ECI2: variants seen among roughly 807,000 people sequenced by gnomAD.
The protein encoded by ECI2 is D3,D2-enoyl-CoA isomerase.
ECI2 carries 27 observed loss-of-function variants against 38.4 expected under a neutral mutation model. The observed-to-expected ratio is 0.70, with a 90% confidence interval of 0.52 to 0.97. ECI2 has a LOEUF of 0.97. Ranked by LOEUF, ECI2 falls within the 50% of genes least tolerant of loss-of-function variation. ECI2 has a pLI of 0.00. For synonymous variants in ECI2, 168 were observed against 172.0 expected (o/e 0.98, Z 0.18); for missense variants, 470 against 474.4 (o/e 0.99, Z 0.09).
At chr6:4,130,888 A>G in intron 2 of ECI2, 23 bp from the exon 3 acceptor site, 1 of 1,606,252 alleles carries the variant, frequency 6.2e-7, no homozygotes, top group Non-Finnish European at 8.5e-7. Context: ...GAGGGGCAAT[A>G]TGTTCAAATG....
chr6:4,117,440 C>T lies in ECI2; in HGVS notation c.897G>A (p.Met299Ile), dbSNP rs760088765. 1 of 1,612,788 alleles carries T rather than the reference C, an allele frequency of 6.2e-7. No homozygotes were observed. Among genetic ancestry groups the T allele is most frequent in the Non-Finnish European group, 8.5e-7 (1 of 1,179,720 alleles). ...KIMSPAKATE[M>I]LIFGKKLTAG... ...CTGTTAACTTCTTTCCAAAAATAAG[C>T]ATCTCTGTTGCCTGAAATGAAAAGC... is the stretch of plus-strand genomic sequence containing the variant. The change falls in exon 9 of 10, where the codon ATG becomes ATA. Residue 299 changes from methionine (M) to isoleucine (I), a missense_variant. Transcript: ENST00000380118.
intron 7 of ECI2, among the ~76,000 whole-genome samples, chr6:4,121,611 A>AT (rs1193739447): frequency 6.7e-6 from 1 of 150,254 alleles, no homozygotes; most frequent in Non-Finnish European, 1.5e-5. Flanking sequence ...ATTTGTCTTG[A>AT]TTTTGCCCCA....
chr6:4,126,180 G>C lies in ECI2; in HGVS notation c.629C>G (p.Pro210Arg), dbSNP rs117792259. 1 of 1,613,798 alleles carries C rather than the reference G, an allele frequency of 6.2e-7. No homozygotes were observed. The highest frequency in any genetic ancestry group is 1.7e-5 in the Admixed American group (1 of 60,004). The change falls in exon 6 of 10, where the codon CCT (proline) becomes CGT (arginine). Residue 210 changes from proline (P) to arginine (R), a missense_variant. Pro to Arg is a moderately radical substitution (Grantham distance 103, BLOSUM62 -2). Coordinates refer to ENST00000380118, the MANE Select transcript of ECI2 (RefSeq NM_206836.3). ...NDLTNFTDIP[P>R]GGVEEKAKNN... Reference sequence around the variant, plus strand: ...TTTAGCTTTCTCCTCTACTCCACCAGGGGGAATATCAGTGAAGTTAGTCAG... The same window carrying C: ...TTTAGCTTTCTCCTCTACTCCACCACGGGGAATATCAGTGAAGTTAGTCAG...
chr6:4,124,656 G>C (rs78414485), intron 7 of ECI2, among the ~76,000 whole-genome samples: 1 of 152,040 alleles, frequency 6.6e-6, no homozygotes, highest in East Asian at 1.9e-4. Flanking sequence ...AGCTTTTCTT[G>C]GTACTTTTTC....
intron 2 of ECI2, among the ~76,000 whole-genome samples, chr6:4,132,280 G>A (rs1385498234): frequency 6.6e-6 from 1 of 151,970 alleles, no homozygotes; most frequent in Non-Finnish European, 1.5e-5. Context: ...CAGAATTGAT[G>A]TGACAGTACA....
intron 9 of ECI2, among the ~76,000 whole-genome samples, chr6:4,116,904 T>A (rs748801747): frequency 7.2e-5 from 11 of 152,230 alleles, no homozygotes; most frequent in Non-Finnish European, 1.3e-4. Context: ...CAGGACTACA[T>A]TTTGAATAGC....
chr6:4,128,850 G>A (rs1251736444), intron 4 of ECI2, among the ~76,000 whole-genome samples: 2 of 152,288 alleles, frequency 1.3e-5, no homozygotes, highest in South Asian at 4.1e-4. Context: ...CGCGGATTTT[G>A]TTGTCCACAC....
intron 5 of ECI2, among the ~76,000 whole-genome samples, chr6:4,127,403 CCTT>C (rs1239052503): frequency 2.5e-5 from 3 of 119,374 alleles, no homozygotes; most frequent in African/African-American, 1.1e-4. Context: ...GATCTTAGAG[CCTT>C]TTTTTTTTTT....
chr6:4,128,517 G>C (rs1773321163), intron 4 of ECI2, among the ~76,000 whole-genome samples: 1 of 152,136 alleles, frequency 6.6e-6, no homozygotes, highest in Non-Finnish European at 1.5e-5. Context: ...GAAGAGGGCT[G>C]ATACTTATAG....
In ECI2 at chr6:4,123,767, G is replaced by A. The variant is rs1772963538; in HGVS notation, c.795+1483C>T. On this transcript the variant is annotated intron_variant, in intron 7 of 9. Coordinates refer to ENST00000380118, the MANE Select transcript of ECI2 (RefSeq NM_206836.3). ...GAATCACTTGAGGTCAGGAGTTCGA[G>A]ACCAGCCTGGCCGACACAGTGAAAC... Among the ~76,000 whole-genome samples the A allele has an allele frequency of 2.6e-5, 4 of 151,654 alleles. No homozygotes were observed. The South Asian group carries it at 8.5e-4, about 32-fold the overall frequency.
chr6:4,123,305 T>C (rs1191417409), intron 7 of ECI2, among the ~76,000 whole-genome samples: 1 of 152,016 alleles, frequency 6.6e-6, no homozygotes, highest in Non-Finnish European at 1.5e-5. Context: ...GCCTCCAATG[T>C]AGCTGGGATT....
At chr6:4,130,684 G>C (rs757900809) in intron 3 of ECI2, 83 bp downstream of exon 3, 1 of 1,599,790 alleles carries the variant, frequency 6.3e-7, no homozygotes, top group East Asian at 2.2e-5. Flanking sequence ...AGATCTTGAA[G>C]ACTCCATTTA....
chr6:4,127,908 A>C, intron 4 of ECI2, 77 bp from the exon 5 acceptor site: 1 of 1,419,646 alleles, frequency 7.0e-7, no homozygotes, highest in Non-Finnish European at 9.7e-7. Context: ...AACAAATGTC[A>C]GGCTGCAAGC....
chr6:4,117,586 G>A, intron 8 of ECI2, 135 bp from the exon 9 acceptor site: 16 of 1,241,884 alleles, frequency 1.3e-5, no homozygotes, highest in Non-Finnish European at 1.6e-5. Context: ...TAAGGGAGAA[G>A]CTGATGACCT....
intron 5 of ECI2, 26 bp from the exon 6 acceptor site, chr6:4,126,263 C>T: frequency 1.3e-6 from 2 of 1,575,160 alleles, no homozygotes; most frequent in Non-Finnish European, 1.7e-6. Flanking sequence ...TCAACAGATC[C>T]CTCATTCAAT....
chr6:4,116,024 C>G lies in ECI2; in HGVS notation c.1035G>C (p.Leu345Phe). Residue 345 changes from leucine to phenylalanine, a missense_variant, in exon 10 of 10, where the codon TTG becomes TTC. Physicochemically the swap from Leu to Phe is conservative, Grantham distance 22 (BLOSUM62 0). Transcript: ENST00000380118. ...KAFAKLPPNA[L>F]RISKEVIRKR... ...TCCTGATTACCTCTTTTGAAATTCT[C>G]AAGGCCTGGAAAAACAAAACCAACA... 3 of 1,612,382 alleles carry G rather than the reference C, an allele frequency of 1.9e-6. No individual in the cohort carries two copies. Among genetic ancestry groups the G allele is most frequent in the African/African-American group, 2.7e-5 (2 of 74,934 alleles).
intron 7 of ECI2, among the ~76,000 whole-genome samples, chr6:4,119,712 C>G (rs564802997): frequency 6.6e-6 from 1 of 152,138 alleles, no homozygotes; most frequent in Non-Finnish European, 1.5e-5. Flanking sequence ...GGTTAATATG[C>G]ACACACAATT....
At chr6:4,133,182 A>G (rs889748041) in intron 2 of ECI2, among the ~76,000 whole-genome samples, 1 of 152,186 alleles carries the variant, frequency 6.6e-6, no homozygotes, top group Non-Finnish European at 1.5e-5. Context: ...CCTTGACACC[A>G]TTAACGATGA....
chr6:4,126,411 C>A (rs1345730773), intron 5 of ECI2, among the ~76,000 whole-genome samples, 174 bp from the exon 6 acceptor site: 1 of 152,140 alleles, frequency 6.6e-6, no homozygotes, highest in African/African-American at 2.4e-5. Context: ...TAAAAACACA[C>A]CGATAAATGT....
Sources: allele counts gnomAD v4.1 joint callset (sites outside exome capture counted in the v4.1 genomes callset), GRCh38; gene constraint gnomAD v4.1.1; transcripts MANE v1.5; gene names NCBI Gene and HGNC (gene_info 2026-07-23, HGNC 2026-07-21).